ZNF831: variants seen among roughly 807,000 people sequenced by gnomAD.
ZNF831 encodes chromosome 20 open reading frame 174.
Under a neutral mutation model 95.8 loss-of-function variants are expected in ZNF831, and 59 were observed. That is an observed-to-expected ratio of 0.62 (90% confidence interval 0.50 to 0.77). ZNF831 has a LOEUF of 0.77. Among genes scored for constraint, ZNF831 ranks in the 30% least tolerant of loss-of-function variants. The pLI is 0.00. For missense variants in ZNF831, 2,205 were observed against 2,164.0 expected, an observed-to-expected ratio of 1.02 and a Z score of -0.38; for synonymous variants, 961 against 925.5, an observed-to-expected ratio of 1.04 and a Z score of -0.70.
chr20:59,195,732 C>T, intron 2 of ZNF831, 137 bp from the exon 3 acceptor site: 1 of 1,478,500 alleles, frequency 6.8e-7, no homozygotes, highest in Middle Eastern at 2.6e-4. Flanking sequence ...CTCAGGGGCT[C>T]AGCCCGTTTA....
At chr20:59,239,169 G>T (rs1039994466) in intron 4 of ZNF831, among the ~76,000 whole-genome samples, 1 of 151,890 alleles carries the variant, frequency 6.6e-6, no homozygotes, top group African/African-American at 2.4e-5. Flanking sequence ...TCTCCACATT[G>T]ACTTTTTTTT....
chr20:59,232,255 C>A (rs1245990854), intron 4 of ZNF831, among the ~76,000 whole-genome samples: 1 of 138,766 alleles, frequency 7.2e-6, no homozygotes, highest in Non-Finnish European at 1.5e-5. Context: ...TTAAAGGGAA[C>A]TACCTTTTTA....
intron 4 of ZNF831, among the ~76,000 whole-genome samples, chr20:59,231,648 A>G (rs2146698889): frequency 6.6e-6 from 1 of 152,324 alleles, no homozygotes; most frequent in African/African-American, 2.4e-5. Context: ...CATGTTTATG[A>G]GCCTGGAGAT....
rs774087561 is a variant in ZNF831, at chr20:59,254,057, C to A, written c.4348C>A (p.Leu1450Met). The change falls in exon 6 of 6, where the codon CTG becomes ATG. Residue 1450 changes from leucine to methionine, a missense_variant. Coordinates refer to ENST00000371030, the MANE Select transcript of ZNF831 (RefSeq NM_178457.3). This position sits in a 1 kb window ranked among gnomAD's most constrained non-coding sequence, Gnocchi z 4.5. Reference protein sequence around the residue: ...GLDLGLLETQLLASQDSVSTD... With the variant: ...GLDLGLLETQMLASQDSVSTD... ...TGACCTTGGGTTGCTGGAGACTCAG[C>A]TGCTGGCCTCCCAGGATTCAGTCTC... 32 of 1,614,042 alleles carry A rather than the reference C, an allele frequency of 2.0e-5. No homozygotes were observed. Among genetic ancestry groups the A allele is most frequent in the Non-Finnish European group, 2.5e-5 (29 of 1,180,044 alleles).
intron 1 of ZNF831, among the ~76,000 whole-genome samples, chr20:59,138,775 A>T (rs1435935653): frequency 6.6e-6 from 1 of 152,214 alleles, no homozygotes; most frequent in African/African-American, 2.4e-5. Flanking sequence ...TTACCTGCTT[A>T]TGGACCTGAA....
At chr20:59,161,029 G>A (rs1417637270), upstream of ZNF831, 3 of 152,090 alleles carry the variant, frequency 2.0e-5, no homozygotes, top group Non-Finnish European at 4.4e-5. Context: ...ATTGGTTATT[G>A]GTTGCATGCT....
chr20:59,241,125 C>T (rs1600676425), intron 4 of ZNF831, among the ~76,000 whole-genome samples: 1 of 152,180 alleles, frequency 6.6e-6, no homozygotes, highest in African/African-American at 2.4e-5. Context: ...TCTTAGAATT[C>T]TGTAAGAATT....
intron 3 of ZNF831, among the ~76,000 whole-genome samples, chr20:59,200,318 T>C (rs994334916): frequency 1.3e-5 from 2 of 152,200 alleles, no homozygotes; most frequent in African/African-American, 4.8e-5. Flanking sequence ...TCTGAAATAC[T>C]GAAATAATAT....
At chr20:59,168,455 G>GTTTTTTT (rs71183161) in intron 1 of ZNF831, among the ~76,000 whole-genome samples, 1 of 113,852 alleles carries the variant, frequency 8.8e-6, no homozygotes, top group African/African-American at 3.4e-5. Flanking sequence ...GTGCGAGGAG[G>GTTTTTTT]TTTTTTTTTT....
At chr20:59,195,845 T>C in intron 2 of ZNF831, 24 bp from the exon 3 acceptor site, 1 of 1,604,544 alleles carries the variant, frequency 6.2e-7, no homozygotes, top group African/African-American at 1.3e-5. Flanking sequence ...AGTAATGTGA[T>C]GCCAACATGC....
chr20:59,227,291 GA>G (rs1479800112), intron 4 of ZNF831, among the ~76,000 whole-genome samples: 1 of 152,152 alleles, frequency 6.6e-6, no homozygotes, highest in East Asian at 1.9e-4. Context: ...GCCTTTGTAT[GA>G]ATTTGATTTT....
intron 2 of ZNF831, among the ~76,000 whole-genome samples, chr20:59,154,709 A>T (rs1400176755): frequency 1.3e-5 from 2 of 151,994 alleles, no homozygotes. Context: ...GACCCTGACA[A>T]CTCATGAGCC....
At position 59,253,694 on chromosome 20, in the gene ZNF831, C is replaced by G. The variant is rs528970007; in HGVS notation, c.4189-204C>G. Among the ~76,000 whole-genome samples the G allele has an allele frequency of 7.9e-5, 12 of 152,258 alleles. No homozygotes were observed. The East Asian group carries it at 2.3e-3, about 29-fold the overall frequency. On this transcript the variant is annotated intron_variant, in intron 5 of 5. Transcript: ENST00000371030. ...AGGACGTCAGCAACCTATTTTGTAT[C>G]AATCAGGAGCTTTATTCGAGTTAAT...
chr20:59,184,419 T>C (rs1418619309), intron 1 of ZNF831, among the ~76,000 whole-genome samples: 2 of 152,030 alleles, frequency 1.3e-5, no homozygotes, highest in Non-Finnish European at 2.9e-5. Flanking sequence ...CCTTTTTTTT[T>C]ACTTTCTGAA....
At chr20:59,223,443 C>T (rs1214819796) in intron 4 of ZNF831, among the ~76,000 whole-genome samples, 1 of 152,160 alleles carries the variant, frequency 6.6e-6, no homozygotes, top group African/African-American at 2.4e-5. Context: ...TGTTAATAAG[C>T]AAACGTTTTA....
chr20:59,224,053 A>G (rs1248552872), intron 4 of ZNF831, among the ~76,000 whole-genome samples: 1 of 152,216 alleles, frequency 6.6e-6, no homozygotes, highest in Non-Finnish European at 1.5e-5. Context: ...GATTACGGGG[A>G]AACACGTCCT....
Position 59,192,162 on chromosome 20 carries a change from G to C in ZNF831, c.1143G>C (p.Pro381=), listed in dbSNP as rs1018685125. The C allele has an allele frequency of 6.4e-7, 1 of 1,556,188 alleles. No homozygotes were observed. The part of the protein sequence containing the change: ...AESEGEGGPG[P]GPGVAGAEPG... ...CCGAGGGGGAGGGCGGCCCGGGCCC[G>C]GGGCCAGGGGTCGCAGGGGCCGAGC... The change falls in exon 2 of 6, where the codon CCG becomes CCC. Residue 381 remains proline (P), a synonymous_variant. Transcript: ENST00000371030. The surrounding 1 kb of genome is among the most constrained non-coding windows in gnomAD (Gnocchi z 5.2).
intron 4 of ZNF831, among the ~76,000 whole-genome samples, chr20:59,224,244 C>T (rs1469696062): frequency 6.6e-6 from 1 of 152,208 alleles, no homozygotes; most frequent in Non-Finnish European, 1.5e-5. Flanking sequence ...CCCGGCTTCT[C>T]ACCAGCCCAG....
intron 1 of ZNF831, among the ~76,000 whole-genome samples, chr20:59,180,021 C>T (rs1355005539): frequency 2.6e-5 from 4 of 152,154 alleles, no homozygotes; most frequent in Non-Finnish European, 4.4e-5. Context: ...AAATATTAAA[C>T]AAAGAGTGAA....
Sources: allele counts gnomAD v4.1 joint callset (sites outside exome capture counted in the v4.1 genomes callset), GRCh38; gene constraint gnomAD v4.1.1; non-coding constraint Gnocchi (gnomAD v3.1); transcripts MANE v1.5; gene names NCBI Gene and HGNC (gene_info 2026-07-23, HGNC 2026-07-21).